The following ST8SIA6 variants were observed in gnomAD, a reference collection of about 807,000 sequenced individuals.
ST8SIA6 encodes the protein ST8 alpha-N-acetyl-neuraminide alpha-2,8-sialyltransferase 6.
Under a neutral mutation model 33.6 loss-of-function variants are expected in ST8SIA6, and 39 were observed. That is an observed-to-expected ratio of 1.16 (90% CI 0.90 to 1.52). The LOEUF (loss-of-function observed/expected upper bound fraction) is 1.52. Ranked by LOEUF, ST8SIA6 falls within the 40% of genes most tolerant of loss-of-function variation. The probability of loss-of-function intolerance (pLI) is 0.00; values close to 1 mark genes in which losing one functional copy is unlikely to be tolerated. For missense variants in ST8SIA6, 441 were observed against 443.8 expected (o/e 0.99, Z 0.06); for synonymous variants, 172 against 167.2 (o/e 1.03, Z -0.22).
intron 2 of ST8SIA6, among the ~76,000 whole-genome samples, chr10:17,431,684 G>A (rs1852106556): frequency 6.7e-6 from 1 of 150,324 alleles, no homozygotes; most frequent in Admixed American, 6.7e-5. Context: ...TACTAACTGT[G>A]TGACCTTAGG....
intron 2 of ST8SIA6, among the ~76,000 whole-genome samples, chr10:17,436,442 T>G (rs970542847): frequency 1.3e-5 from 2 of 152,100 alleles, no homozygotes; most frequent in African/African-American, 4.8e-5. Context: ...TACATATGTA[T>G]ACATGTGCCA....
chr10:17,444,236 C>T (rs1183812699), intron 2 of ST8SIA6, among the ~76,000 whole-genome samples: 2 of 152,178 alleles, frequency 1.3e-5, no homozygotes, highest in East Asian at 3.9e-4. Flanking sequence ...ACAACGCTAC[C>T]CAACTAAGGA....
intron 4 of ST8SIA6, among the ~76,000 whole-genome samples, chr10:17,350,203 A>T (rs1848984783): frequency 6.6e-6 from 1 of 152,174 alleles, no homozygotes; most frequent in Non-Finnish European, 1.5e-5. Flanking sequence ...GACCAGTTTG[A>T]AGGTCATGGA....
chr10:17,398,737 T>G (rs1850920966), intron 2 of ST8SIA6, among the ~76,000 whole-genome samples: 1 of 152,182 alleles, frequency 6.6e-6, no homozygotes, highest in African/African-American at 2.4e-5. Context: ...GTTATACAGT[T>G]CTTTCCATAT....
At chr10:17,377,915 A>G (rs1277954818) in intron 3 of ST8SIA6, among the ~76,000 whole-genome samples, 2 of 152,204 alleles carry the variant, frequency 1.3e-5, no homozygotes, top group Admixed American at 1.3e-4. Flanking sequence ...TATGGAACAC[A>G]CAACCCCTGA....
intron 3 of ST8SIA6, among the ~76,000 whole-genome samples, chr10:17,363,775 C>G (rs1274765409): frequency 6.6e-6 from 1 of 152,106 alleles, no homozygotes; most frequent in African/African-American, 2.4e-5. Flanking sequence ...TTCTCTGCTT[C>G]CCCCCTCCAC....
chr10:17,325,828 A>T (rs45458399), intron 6 of ST8SIA6, among the ~76,000 whole-genome samples: 17 of 152,214 alleles, frequency 1.1e-4, no homozygotes, highest in East Asian at 9.6e-4. Context: ...TTTTAGAATT[A>T]TAAGTGAAAT....
In ST8SIA6 at chr10:17,323,120, C is replaced by T; in HGVS notation, c.673G>A (p.Asp225Asn). ...ACAAGATTTGTTTTACTGCCAACAT[C>T]TTTACTAACATCTCCTGTGGTTGGG... ...LPPTTGDVSK[D>N]VGSKTNLVTI... The change falls in exon 7 of 8, where the codon GAT (aspartate) becomes AAT (asparagine). Residue 225 changes from aspartate to asparagine, a missense_variant. Physicochemically the swap from Asp to Asn is conservative, Grantham distance 23 (BLOSUM62 1). Transcript: ENST00000377602. 6.2e-7 allele frequency: 1 copy of T among 1,613,722 alleles called. No individual in the cohort carries two copies. The highest frequency in any genetic ancestry group is 8.5e-7 in the Non-Finnish European group (1 of 1,179,820).
intron 3 of ST8SIA6, among the ~76,000 whole-genome samples, chr10:17,361,873 A>G (rs1445539089): frequency 1.3e-5 from 2 of 152,166 alleles, no homozygotes; most frequent in African/African-American, 4.8e-5. Context: ...TTTAAAATCA[A>G]TCAAAGCAGC....
chr10:17,366,444 C>CT (rs997055395), intron 3 of ST8SIA6, among the ~76,000 whole-genome samples: 327 of 146,010 alleles, frequency 2.2e-3, no homozygotes, highest in African/African-American at 7.1e-3. Flanking sequence ...GCATCCTTTT[C>CT]TTTTTTTTTT....
At chr10:17,355,956 A>T (rs1849176535) in intron 4 of ST8SIA6, among the ~76,000 whole-genome samples, 1 of 152,226 alleles carries the variant, frequency 6.6e-6, no homozygotes, top group South Asian at 2.1e-4. Context: ...CTTCAGAGTT[A>T]TAGCTCAAGT....
intron 3 of ST8SIA6, among the ~76,000 whole-genome samples, chr10:17,368,466 C>T (rs1399191442): frequency 2.9e-5 from 4 of 138,968 alleles, no homozygotes; most frequent in African/African-American, 5.3e-5. Context: ...ATTGTAGTAA[C>T]GGTTGATAGC....
intron 7 of ST8SIA6, among the ~76,000 whole-genome samples, chr10:17,322,238 AAGAGAAAAAG>A (rs1233669159): frequency 3.9e-5 from 3 of 76,594 alleles, no homozygotes; most frequent in Non-Finnish European, 8.7e-5. Flanking sequence ...AAGAAAAAGA[AAGAGAAAAAG>A]AAAGGAAAAA....
intron 6 of ST8SIA6, 144 bp from the exon 7 acceptor site, chr10:17,323,301 C>G (rs1848022913): frequency 2.1e-6 from 1 of 468,568 alleles, no homozygotes; most frequent in Non-Finnish European, 3.7e-6. Context: ...TATTGAGACC[C>G]TCAGAATCCA....
chr10:17,410,932 G>A (rs562161066), intron 2 of ST8SIA6, among the ~76,000 whole-genome samples: 1 of 152,260 alleles, frequency 6.6e-6, no homozygotes, highest in East Asian at 1.9e-4. Flanking sequence ...CAAATTTACT[G>A]TGCTTAGGTA....
At chr10:17,351,372 G>A (rs1849023081) in intron 4 of ST8SIA6, among the ~76,000 whole-genome samples, 1 of 149,548 alleles carries the variant, frequency 6.7e-6, no homozygotes, top group Admixed American at 6.7e-5. Context: ...TGTTAAATGG[G>A]GTTAAAAAAA....
In ST8SIA6 at chr10:17,319,218, G is replaced by A. The variant is rs1244990363; in HGVS notation, c.*1660C>T. ...TGTAAATCATAAAACATGCGTCACA[G>A]TTCTTGTCGCTCTGTAATGGTGAGT... is the stretch of plus-strand genomic sequence containing the variant. On this transcript the variant is annotated 3_prime_UTR_variant, in exon 8 of 8. Transcript: ENST00000377602. 6.6e-6 allele frequency among the ~76,000 whole-genome samples: 1 copy of A among 152,208 alleles called. No homozygotes were observed. Among genetic ancestry groups the A allele is most frequent in the East Asian group, 1.9e-4 (1 of 5,198 alleles).
chr10:17,379,237 C>T (rs1242305438), intron 3 of ST8SIA6, among the ~76,000 whole-genome samples: 1 of 152,014 alleles, frequency 6.6e-6, no homozygotes, highest in African/African-American at 2.4e-5. Context: ...CAGCTTATCC[C>T]TAAGTTCAAG....
At chr10:17,323,178 C>A in intron 6 of ST8SIA6, 21 bp from the exon 7 acceptor site, 1 of 1,599,374 alleles carries the variant, frequency 6.3e-7, no homozygotes. Context: ...AAAAGAAAAT[C>A]ATTTTCAAAA....
Sources: gnomAD v4.1 joint callset for allele counts (sites outside exome capture counted in the v4.1 genomes callset) on GRCh38, gnomAD v4.1.1 for gene constraint, MANE v1.5 for transcripts, NCBI Gene and HGNC (gene_info 2026-07-23, HGNC 2026-07-21) for gene names.